The following CDH4 variants were observed in gnomAD, a reference collection of about 807,000 sequenced individuals.
CDH4 encodes the protein cadherin-4.
In CDH4, 33 loss-of-function variants were observed where a neutral mutation model predicts 86.0. That is an observed-to-expected ratio of 0.38 (90% CI 0.29 to 0.51). The LOEUF is 0.51. CDH4 is among the 20% of genes least tolerant of loss of function. CDH4 has a pLI of 0.86. For missense variants in CDH4, 1,114 were observed against 1,307.4 expected, an observed-to-expected ratio of 0.85 and a Z score of 2.28; for synonymous variants, 555 against 549.4, an observed-to-expected ratio of 1.01 and a Z score of -0.14.
chr20:61,578,751 C>G lies in CDH4; in HGVS notation c.170-164812C>G, dbSNP rs145387230. On this transcript the variant is annotated intron_variant, in intron 2 of 15. Coordinates refer to ENST00000614565, the MANE Select transcript of CDH4 (RefSeq NM_001794.5). ...AAACCCCCAATCCAACTGATATGAG[C>G]TAACATCACTAAAAATATTGCTTCT... 3.4e-3 allele frequency among the ~76,000 whole-genome samples: 516 copies of G among 152,256 alleles called. 6 individuals carry two copies. The highest frequency in any genetic ancestry group is 0.012 in the African/African-American group (487 of 41,552).
chr20:61,702,216 G>A (rs977530277), intron 2 of CDH4, among the ~76,000 whole-genome samples: 10 of 152,184 alleles, frequency 6.6e-5, no homozygotes, highest in African/African-American at 1.4e-4. Flanking sequence ...CCAGCTGGCC[G>A]CCTCATAGGA....
intron 2 of CDH4, among the ~76,000 whole-genome samples, chr20:61,447,555 T>C (rs2085358447): frequency 6.6e-6 from 1 of 151,512 alleles, no homozygotes. Context: ...CACTTTTTAA[T>C]CATTCGGGGT....
At chr20:61,445,979 G>A (rs983118438) in intron 2 of CDH4, among the ~76,000 whole-genome samples, 2 of 152,206 alleles carry the variant, frequency 1.3e-5, no homozygotes, top group African/African-American at 2.4e-5. Context: ...ATAGCAGTTG[G>A]TTACAGTGTA....
chr20:61,799,973 A>G (rs1195717194), intron 4 of CDH4, among the ~76,000 whole-genome samples: 1 of 151,876 alleles, frequency 6.6e-6, no homozygotes, highest in Non-Finnish European at 1.5e-5. Context: ...GCTTGTCTTC[A>G]TGGCCCGTCC....
intron 2 of CDH4, among the ~76,000 whole-genome samples, chr20:61,672,143 A>G (rs912535912): frequency 3.3e-5 from 5 of 151,204 alleles, no homozygotes; most frequent in African/African-American, 1.2e-4. Flanking sequence ...ATGAATGATC[A>G]TATGGGTGGA....
At chr20:61,427,041 C>G (rs2085219060) in intron 2 of CDH4, among the ~76,000 whole-genome samples, 1 of 152,182 alleles carries the variant, frequency 6.6e-6, no homozygotes, top group Admixed American at 6.5e-5. Context: ...TGTACAACAG[C>G]AGCTCCAAGA....
intron 2 of CDH4, among the ~76,000 whole-genome samples, chr20:61,617,667 C>T (rs566847705): frequency 6.6e-6 from 1 of 152,302 alleles, no homozygotes; most frequent in African/African-American, 2.4e-5. Context: ...GGGGCATGAA[C>T]GCCCTGAGCA....
At chr20:61,745,874 C>T (rs543406920) in intron 3 of CDH4, among the ~76,000 whole-genome samples, 2 of 152,344 alleles carry the variant, frequency 1.3e-5, no homozygotes, top group South Asian at 2.1e-4. Context: ...TATAATGACA[C>T]CTTTTCTTGG....
intron 2 of CDH4, among the ~76,000 whole-genome samples, chr20:61,649,895 G>A (rs548044487): frequency 2.0e-4 from 30 of 152,292 alleles, no homozygotes; most frequent in Non-Finnish European, 4.4e-5. Context: ...TGACCTCCAG[G>A]ACGCTGAGCT....
chr20:61,633,839 TC>T (rs1218033658), intron 2 of CDH4, among the ~76,000 whole-genome samples: 1 of 151,758 alleles, frequency 6.6e-6, no homozygotes, highest in Non-Finnish European at 1.5e-5. Context: ...GAGTGCCATC[TC>T]CCCCCCAGCT....
At position 61,684,325 on chromosome 20, in the gene CDH4, A is replaced by G. The variant is rs146259455; in HGVS notation, c.170-59238A>G. Among the ~76,000 whole-genome samples the G allele has an allele frequency of 0.022, 3,410 of 152,236 alleles. 69 individuals carry two copies. The highest frequency in any genetic ancestry group is 0.068 in the Middle Eastern group (20 of 294). Reference sequence around the variant, plus strand: ...TGCGACTGAGCCCTGTGGGAAGAGCAGGGGGGCCGCCCAGCTAAGGAAGCA... The same window carrying G: ...TGCGACTGAGCCCTGTGGGAAGAGCGGGGGGGCCGCCCAGCTAAGGAAGCA... On this transcript the variant is annotated intron_variant, in intron 2 of 15. Coordinates refer to ENST00000614565, the MANE Select transcript of CDH4 (RefSeq NM_001794.5). The surrounding 1 kb of genome is among the most constrained non-coding windows in gnomAD (Gnocchi z 4.5).
At chr20:61,936,111 A>ACACT (rs1327985329) in intron 15 of CDH4, among the ~76,000 whole-genome samples, 1 of 151,822 alleles carries the variant, frequency 6.6e-6, no homozygotes, top group African/African-American at 2.4e-5. Flanking sequence ...TGGGAGTGCC[A>ACACT]CACTCATAAC....
chr20:61,385,877 G>GTCT (rs1216317053), intron 2 of CDH4, among the ~76,000 whole-genome samples: 1 of 152,182 alleles, frequency 6.6e-6, no homozygotes, highest in African/African-American at 2.4e-5. Flanking sequence ...CTTGATCTCT[G>GTCT]CACTTGGCAT....
intron 2 of CDH4, chr20:61,437,306 T>C (rs982877134): frequency 3.9e-5 from 6 of 152,232 alleles, no homozygotes; most frequent in African/African-American, 1.4e-4. Context: ...TTTTCCTTTA[T>C]GGTATATGTT....
Position 61,743,595 on chromosome 20 carries a change from A to G in CDH4, c.202A>G (p.Thr68Ala). The G allele has an allele frequency of 6.3e-7, 1 of 1,575,846 alleles. No individual in the cohort carries two copies. Among genetic ancestry groups the G allele is most frequent in the South Asian group, 1.2e-5 (1 of 85,978 alleles). ...KFSSCVGTKG[T>A]QYETNSMDFK... ...CAGCAGCTGTGTGGGGACCAAGGGGACACAATATGAGACCAACAGCATGGA... is the reference window on the plus strand; with the variant it reads ...CAGCAGCTGTGTGGGGACCAAGGGGGCACAATATGAGACCAACAGCATGGA... Residue 68 changes from threonine (T) to alanine (A), a missense_variant, in exon 3 of 16, where the codon ACA (threonine) becomes GCA (alanine). Around this residue, in one of 3 missense-constraint regions of CDH4, gnomAD observed 221 missense variants for 209.5 expected, o/e 1.05. Transcript: ENST00000614565.
chr20:61,312,080 G>A (rs1337101454), intron 2 of CDH4, among the ~76,000 whole-genome samples: 1 of 152,192 alleles, frequency 6.6e-6, no homozygotes, highest in Non-Finnish European at 1.5e-5. Flanking sequence ...CATGTGTGGT[G>A]TGTATATGTA....
At chr20:61,292,231 C>T (rs181914149) in intron 2 of CDH4, among the ~76,000 whole-genome samples, 1 of 152,186 alleles carries the variant, frequency 6.6e-6, no homozygotes, top group East Asian at 1.9e-4. Context: ...ATGGAATCAG[C>T]CGAAATGCCC....
At chr20:61,422,462 AAAAAACC>A (rs1255232057) in intron 2 of CDH4, among the ~76,000 whole-genome samples, 1 of 56,364 alleles carries the variant, frequency 1.8e-5, no homozygotes, top group African/African-American at 8.8e-5. Flanking sequence ...AAAAAAAAAA[AAAAAACC>A]AAATCTCCCC....
chr20:61,933,671 C>A (rs1422112273), intron 14 of CDH4, among the ~76,000 whole-genome samples: 1 of 146,082 alleles, frequency 6.8e-6, no homozygotes, highest in Non-Finnish European at 1.5e-5. Context: ...CAGCTCCTGG[C>A]CACCTTCCCC....
Sources: gnomAD v4.1 joint callset for allele counts (sites outside exome capture counted in the v4.1 genomes callset) on GRCh38, gnomAD v4.1.1 for gene constraint, gnomAD v4.1.1 regional missense constraint, Gnocchi (gnomAD v3.1) non-coding constraint, MANE v1.5 for transcripts, NCBI Gene and HGNC (gene_info 2026-07-23, HGNC 2026-07-21) for gene names.